The following CECR2 variants were observed in gnomAD, a reference collection of about 807,000 sequenced individuals.
CECR2 encodes the protein CECR2 histone acetyl-lysine reader, also known as chromatin remodeling regulator CECR2.
CECR2 carries 30 observed loss-of-function variants against 154.5 expected under a neutral mutation model. That is an observed-to-expected ratio of 0.19 (90% CI 0.15 to 0.26). The LOEUF (loss-of-function observed/expected upper bound fraction) is 0.26. CECR2 is among the 10% of genes least tolerant of loss of function. CECR2 has a pLI of 1.00. For missense variants in CECR2, 1,743 were observed against 1,829.3 expected (o/e 0.95, Z 0.86); for synonymous variants, 725 against 683.7 (o/e 1.06, Z -0.94).
At chr22:17,410,822 T>C (rs1209564897) in intron 1 of CECR2, among the ~76,000 whole-genome samples, 1 of 152,218 alleles carries the variant, frequency 6.6e-6, no homozygotes, top group African/African-American at 2.4e-5. Context: ...AGGTAATTTA[T>C]AACACATTCT....
Position 17,540,497 on chromosome 22 carries a change from T to C in CECR2, c.1581T>C (p.Asp527=). The change falls in exon 14 of 19, where the codon GAT becomes GAC. Residue 527 remains aspartate, a synonymous_variant. Transcript: ENST00000262608. ...TTCCTGGAGAAGATGGAGACACAGA[T>C]GAAGAATTTTGGATTCGAGAGGATG... is the stretch of plus-strand genomic sequence containing the variant. ...KHFPGEDGDT[D]EEFWIREDEK... is the part of the protein sequence containing the mutation. The C allele has an allele frequency of 1.2e-6, 2 of 1,610,316 alleles. No homozygotes were observed. The highest frequency in any genetic ancestry group is 1.7e-5 in the Admixed American group (1 of 59,392).
chr22:17,372,335 T>C (rs1287468995), intron 1 of CECR2, among the ~76,000 whole-genome samples: 2 of 152,178 alleles, frequency 1.3e-5, no homozygotes, highest in Non-Finnish European at 2.9e-5. Context: ...AGAATTTTAT[T>C]GGGAATGATT....
chr22:17,507,930 A>G (rs1416058698), intron 7 of CECR2, among the ~76,000 whole-genome samples: 1 of 152,224 alleles, frequency 6.6e-6, no homozygotes, highest in Non-Finnish European at 1.5e-5. Context: ...CGATTTATTC[A>G]CAGGTAAAGT....
intron 1 of CECR2, among the ~76,000 whole-genome samples, chr22:17,423,161 C>T (rs1161330268): frequency 6.6e-6 from 1 of 152,048 alleles, no homozygotes. Flanking sequence ...AAGCAGGAAG[C>T]GTTCTTTAGT....
chr22:17,465,871 G>A (rs564391105), intron 1 of CECR2, among the ~76,000 whole-genome samples: 6 of 151,720 alleles, frequency 4.0e-5, no homozygotes, highest in Non-Finnish European at 8.8e-5. Flanking sequence ...CACCTACCTC[G>A]TCCTCCCAAA....
intron 17 of CECR2, among the ~76,000 whole-genome samples, chr22:17,550,758 C>G (rs925841352): frequency 5.9e-5 from 9 of 152,174 alleles, no homozygotes; most frequent in African/African-American, 2.2e-4. Context: ...CTGGCTAACA[C>G]GGTGAAACCC....
At chr22:17,532,987 A>G (rs1241547351) in intron 9 of CECR2, among the ~76,000 whole-genome samples, 1 of 151,386 alleles carries the variant, frequency 6.6e-6, no homozygotes, top group South Asian at 2.1e-4. Context: ...GCTCATTATT[A>G]TTCTATAAAT....
intron 1 of CECR2, among the ~76,000 whole-genome samples, chr22:17,417,780 G>T (rs775971976): frequency 2.6e-5 from 4 of 151,794 alleles, no homozygotes; most frequent in Non-Finnish European, 5.9e-5. Context: ...CACCATGCCC[G>T]GCTAATTTTT....
At chr22:17,538,779 C>A in intron 12 of CECR2, 48 bp downstream of exon 12, 1 of 1,506,828 alleles carries the variant, frequency 6.6e-7, no homozygotes, top group Non-Finnish European at 9.1e-7. Flanking sequence ...GTATATCTTT[C>A]TTGGGTTTTG....
intron 2 of CECR2, among the ~76,000 whole-genome samples, chr22:17,486,934 G>A (rs1208318083): frequency 6.6e-6 from 1 of 152,160 alleles, no homozygotes; most frequent in Non-Finnish European, 1.5e-5. Flanking sequence ...GCTGGGGCCT[G>A]GGAACCTGCA....
chr22:17,546,485 CAAAA>C (rs35754406), intron 16 of CECR2, among the ~76,000 whole-genome samples: 3 of 67,646 alleles, frequency 4.4e-5, no homozygotes, highest in African/African-American at 5.2e-5. Flanking sequence ...GACTCTGTCT[CAAAA>C]AAAAAAAAAA....
At chr22:17,499,597 A>T in intron 4 of CECR2, 48 bp downstream of exon 4, 1 of 1,527,898 alleles carries the variant, frequency 6.5e-7, no homozygotes, top group Non-Finnish European at 8.8e-7. Context: ...TTAAAATGTC[A>T]TTAAGATTAA....
chr22:17,438,127 T>C (rs2054532962), intron 1 of CECR2, among the ~76,000 whole-genome samples: 1 of 152,206 alleles, frequency 6.6e-6, no homozygotes, highest in African/African-American at 2.4e-5. Context: ...GAATATTACA[T>C]GCAGTAGTAT....
intron 1 of CECR2, among the ~76,000 whole-genome samples, chr22:17,363,143 G>T (rs2062985446): frequency 6.6e-6 from 1 of 151,276 alleles, no homozygotes; most frequent in African/African-American, 2.4e-5. Flanking sequence ...TCTGCCTCCA[G>T]GGTTCAAGCG....
chr22:17,514,474 T>C lies in CECR2; in HGVS notation c.954+2578T>C, dbSNP rs941930876. Among the ~76,000 whole-genome samples, 4 of 152,196 alleles carry C rather than the reference T, an allele frequency of 2.6e-5. No homozygotes were observed. In the South Asian group the frequency reaches 6.2e-4, roughly 24 times the overall value. On this transcript the variant is annotated intron_variant, in intron 8 of 18. Coordinates refer to ENST00000262608, the MANE Select transcript of CECR2 (RefSeq NM_001290047.2). ...CCCCTTGATTCTAGCAGGACTCTTATCTGTAAAGCATTCCTACACCAACAT... is the reference window on the plus strand; with the variant it reads ...CCCCTTGATTCTAGCAGGACTCTTACCTGTAAAGCATTCCTACACCAACAT...
intron 5 of CECR2, among the ~76,000 whole-genome samples, chr22:17,502,365 C>T (rs1006609735): frequency 6.6e-6 from 1 of 152,152 alleles, no homozygotes; most frequent in African/African-American, 2.4e-5. Flanking sequence ...GGGAGGAGGA[C>T]ATTGGAATCC....
At chr22:17,454,433 A>C (rs1398140331) in intron 1 of CECR2, among the ~76,000 whole-genome samples, 1 of 151,372 alleles carries the variant, frequency 6.6e-6, no homozygotes, top group African/African-American at 2.4e-5. Flanking sequence ...GTGAAACCCC[A>C]TCTCTACCAA....
At chr22:17,445,431 A>C (rs576165669) in intron 1 of CECR2, among the ~76,000 whole-genome samples, 1 of 152,086 alleles carries the variant, frequency 6.6e-6, no homozygotes, top group African/African-American at 2.4e-5. Flanking sequence ...CTAAGTTTCC[A>C]TGGGGGATTG....
chr22:17,511,124 A>C (rs535322022), intron 7 of CECR2, among the ~76,000 whole-genome samples: 2 of 152,298 alleles, frequency 1.3e-5, no homozygotes, highest in South Asian at 4.1e-4. Flanking sequence ...TTTGCTTGTT[A>C]CCTTTTAGTA....
Sources: allele counts gnomAD v4.1 joint callset (sites outside exome capture counted in the v4.1 genomes callset), GRCh38; gene constraint gnomAD v4.1.1; transcripts MANE v1.5; gene names NCBI Gene and HGNC (gene_info 2026-07-23, HGNC 2026-07-21).